CPNE5: variants seen among roughly 807,000 people sequenced by gnomAD.
The protein encoded by CPNE5 is copine 5.
A neutral mutation model predicts 81.1 loss-of-function variants in CPNE5; 42 were observed. The observed-to-expected ratio is 0.52, with a 90% CI of 0.40 to 0.67. The LOEUF (loss-of-function observed/expected upper bound fraction) is 0.67. Ranked by LOEUF, CPNE5 falls within the 30% of genes least tolerant of loss-of-function variation. The probability of loss-of-function intolerance (pLI) is 0.00; values close to 1 mark genes in which losing one functional copy is unlikely to be tolerated. For missense variants in CPNE5, 612 were observed against 815.5 expected (o/e 0.75, Z 3.04); for synonymous variants, 313 against 321.5 (o/e 0.97, Z 0.28).
chr6:36,791,731 C>T (rs1769110276), intron 8 of CPNE5, among the ~76,000 whole-genome samples: 1 of 152,134 alleles, frequency 6.6e-6, no homozygotes, highest in African/African-American at 2.4e-5. Context: ...GGCTCAAGGA[C>T]ACGTGAGTGG....
chr6:36,769,722 G>A (rs916297), intron 10 of CPNE5, among the ~76,000 whole-genome samples: 80,255 of 152,036 alleles, frequency 0.53, 21,441 homozygotes, highest in Non-Finnish European at 0.58. Context: ...CGCGGTGACC[G>A]TGCCTCCCGT....
intron 15 of CPNE5, among the ~76,000 whole-genome samples, chr6:36,747,395 A>G (rs946206314): frequency 6.6e-5 from 10 of 152,160 alleles, no homozygotes; most frequent in African/African-American, 2.2e-4. Context: ...AAGTTCCTTA[A>G]CCTTAGCCTT....
chr6:36,779,120 G>C (rs1468422362), intron 8 of CPNE5, among the ~76,000 whole-genome samples, 163 bp from the exon 9 acceptor site: 2 of 152,180 alleles, frequency 1.3e-5, no homozygotes, highest in Non-Finnish European at 2.9e-5. Flanking sequence ...AGCAGGCCTA[G>C]CAGACCACTT....
intron 3 of CPNE5, among the ~76,000 whole-genome samples, chr6:36,802,888 TA>T (rs967760034): frequency 6.6e-6 from 1 of 150,924 alleles, no homozygotes; most frequent in Non-Finnish European, 1.5e-5. Context: ...CATCTCTATT[TA>T]AAAAAAAATA....
At chr6:36,757,837 G>C (rs1199923929) in intron 12 of CPNE5, among the ~76,000 whole-genome samples, 1 of 152,184 alleles carries the variant, frequency 6.6e-6, no homozygotes, top group Non-Finnish European at 1.5e-5. Flanking sequence ...TGTCAGAGGA[G>C]GTTCTGTGGG....
intron 16 of CPNE5, among the ~76,000 whole-genome samples, chr6:36,745,850 G>A (rs183627349): frequency 6.6e-6 from 1 of 152,300 alleles, no homozygotes; most frequent in Non-Finnish European, 1.5e-5. Flanking sequence ...AGGACCTGTG[G>A]CTGATCTGTC....
At chr6:36,786,530 C>T (rs913361311) in intron 8 of CPNE5, among the ~76,000 whole-genome samples, 2 of 152,120 alleles carry the variant, frequency 1.3e-5, no homozygotes, top group Admixed American at 6.5e-5. Flanking sequence ...TCCCACTCAC[C>T]GAGCCTGTGT....
At chr6:36,826,604 G>A (rs1772521811) in intron 1 of CPNE5, among the ~76,000 whole-genome samples, 1 of 152,176 alleles carries the variant, frequency 6.6e-6, no homozygotes, top group Non-Finnish European at 1.5e-5. Flanking sequence ...TCTCACACTG[G>A]CTGTGCATGC....
chr6:36,773,540 G>A (rs1002723144), intron 10 of CPNE5, among the ~76,000 whole-genome samples: 2 of 152,218 alleles, frequency 1.3e-5, no homozygotes, highest in Admixed American at 6.5e-5. Context: ...CACAGTGCCT[G>A]GTACATGACA....
Position 36,794,571 on chromosome 6 carries a change from G to C in CPNE5, c.464+19C>G. 1.9e-6 allele frequency: 3 copies of C among 1,613,298 alleles called. No individual in the cohort carries two copies. The South Asian group carries it at 3.3e-5, about 18-fold the overall frequency. On this transcript the variant is annotated intron_variant, in intron 7 of 20. Coordinates refer to ENST00000244751, the MANE Select transcript of CPNE5 (RefSeq NM_020939.2). ...TGAATGTCTAAGGACTCCAGGGCCA[G>C]AGATGTCTGGCAACGTACCCGTTGG...
At chr6:36,806,666 A>C (rs1002733955) in intron 3 of CPNE5, among the ~76,000 whole-genome samples, 7 of 152,190 alleles carry the variant, frequency 4.6e-5, no homozygotes, top group Non-Finnish European at 8.8e-5. Flanking sequence ...GATAAAATTT[A>C]TCTCTCACAA....
Position 36,778,838 on chromosome 6 carries a change from TC to T in CPNE5, c.632+15del. ...GACGAGAAGGTGCAGTGCACAAGTG[TC>T]CCCAGAAAACTCACGTTCCATCCTC... is the stretch of plus-strand genomic sequence containing the variant. On this transcript the variant is annotated intron_variant, in intron 9 of 20. Transcript: ENST00000244751. 1 of 1,531,918 alleles carries T rather than the reference TC, an allele frequency of 6.5e-7. No individual in the cohort carries two copies. Among genetic ancestry groups the T allele is most frequent in the Non-Finnish European group, 9.0e-7 (1 of 1,107,002 alleles). The allele number at this position is 1,531,918 out of a possible 1,614,324, so 94.9% of individuals were successfully genotyped here. A position where few individuals can be genotyped will look rare whatever the true frequency, so the allele number is the denominator to read the frequency against.
chr6:36,742,225 T>C lies in CPNE5; in HGVS notation c.*43A>G. 2.1e-6 allele frequency: 3 copies of C among 1,445,586 alleles called. No homozygotes were observed. The highest frequency in any genetic ancestry group is 2.8e-6 in the Non-Finnish European group (3 of 1,063,218). The allele number at this position is 1,445,586 out of a possible 1,614,324, so 89.5% of individuals were successfully genotyped here. A position where few individuals can be genotyped will look rare whatever the true frequency, so the allele number is the denominator to read the frequency against. On this transcript the variant is annotated 3_prime_UTR_variant, in exon 21 of 21. Coordinates refer to ENST00000244751, the MANE Select transcript of CPNE5 (RefSeq NM_020939.2). Reference sequence around the variant, plus strand: ...CTGGGGCCCTGGCCTCCCATTCACCTGGCCTCTCCCAGGCCCCAGCCACCT... The same window carrying C: ...CTGGGGCCCTGGCCTCCCATTCACCCGGCCTCTCCCAGGCCCCAGCCACCT...
intron 1 of CPNE5, chr6:36,827,301 AC>A (rs1772584204): frequency 4.1e-6 from 4 of 984,724 alleles, no homozygotes; most frequent in Non-Finnish European, 4.8e-6. Flanking sequence ...TCCAGACAGA[AC>A]CCTCAGAGCC....
chr6:36,770,461 C>T (rs182015728), intron 10 of CPNE5, among the ~76,000 whole-genome samples: 4 of 152,298 alleles, frequency 2.6e-5, no homozygotes, highest in Non-Finnish European at 4.4e-5. Context: ...TAACTGTAAT[C>T]GTATTACCTG....
intron 13 of CPNE5, 62 bp from the exon 14 acceptor site, chr6:36,753,157 T>G: frequency 7.3e-7 from 1 of 1,372,348 alleles, no homozygotes; most frequent in East Asian, 2.3e-5. Flanking sequence ...TGGGTTATGA[T>G]TCGAGAGCTG....
intron 13 of CPNE5, 25 bp downstream of exon 13, chr6:36,756,220 T>C: frequency 6.2e-7 from 1 of 1,608,388 alleles, no homozygotes; most frequent in Non-Finnish European, 8.5e-7. Context: ...TACACCCGGC[T>C]GCAGAGACCG....
intron 8 of CPNE5, among the ~76,000 whole-genome samples, chr6:36,784,229 C>T (rs1048756199): frequency 6.6e-6 from 1 of 152,186 alleles, no homozygotes; most frequent in Non-Finnish European, 1.5e-5. Flanking sequence ...ACAATCTAGA[C>T]CCAGAAACAT....
intron 1 of CPNE5, among the ~76,000 whole-genome samples, chr6:36,831,840 A>C (rs1773014989): frequency 6.6e-6 from 1 of 152,160 alleles, no homozygotes. Flanking sequence ...TGTGGACAGG[A>C]CCAGTATTTT....
Sources: allele counts gnomAD v4.1 joint callset (sites outside exome capture counted in the v4.1 genomes callset), GRCh38; gene constraint gnomAD v4.1.1; transcripts MANE v1.5; gene names NCBI Gene and HGNC (gene_info 2026-07-23, HGNC 2026-07-21).